Variants in TNFRSF1B observed in about 807,000 individuals in gnomAD.
TNFRSF1B encodes TNF receptor superfamily member 1B.
Under a neutral mutation model 44.6 loss-of-function variants are expected in TNFRSF1B, and 19 were observed. The ratio of observed to expected loss-of-function variants is 0.43; its 90% CI spans 0.30 to 0.62. The LOEUF (loss-of-function observed/expected upper bound fraction) is 0.62, where lower values mean the gene tolerates loss of function less well. Among genes scored for constraint, TNFRSF1B ranks in the 20% least tolerant of loss-of-function variants. The pLI is 0.16. For missense variants in TNFRSF1B, 541 were observed against 619.9 expected (o/e 0.87, Z 1.35); for synonymous variants, 252 against 261.1 (o/e 0.97, Z 0.34).
Position 12,188,906 on chromosome 1 carries a change from C to T in TNFRSF1B, c.178+11C>T. 1 of 1,611,396 alleles carries T rather than the reference C, an allele frequency of 6.2e-7. No homozygotes were observed. Among genetic ancestry groups the T allele is most frequent in the Non-Finnish European group, 8.5e-7 (1 of 1,178,968 alleles). The stretch of plus-strand genomic sequence containing the variant: ...GCAAATGCTCGCCGGGTGAGGGCAG[C>T]CACGGGGGCACTCGGGGCCCATGCC... On this transcript the variant is annotated intron_variant, in intron 2 of 9. Coordinates refer to ENST00000376259, the MANE Select transcript of TNFRSF1B (RefSeq NM_001066.3).
Position 12,180,014 on chromosome 1 carries a change from C to G in TNFRSF1B, c.79-8782C>G, listed in dbSNP as rs1054076269. On this transcript the variant is annotated intron_variant, in intron 1 of 9. Transcript: ENST00000376259. This position sits in a 1 kb window ranked among gnomAD's most constrained non-coding sequence, Gnocchi z 4.3. ...GAAGCTTCTCCCTGTGGCCACCTCC[C>G]CACCGCATCATCTTCCGTTCTCAGC... Among the ~76,000 whole-genome samples, 4 of 152,070 alleles carry G rather than the reference C, an allele frequency of 2.6e-5. No homozygotes were observed. Among genetic ancestry groups the G allele is most frequent in the African/African-American group, 9.7e-5 (4 of 41,400 alleles).
chr1:12,182,394 C>A (rs562090630), intron 1 of TNFRSF1B, among the ~76,000 whole-genome samples: 1 of 152,328 alleles, frequency 6.6e-6, no homozygotes, highest in African/African-American at 2.4e-5. Context: ...TCCCCGGCCC[C>A]GCACCTTGTG....
In TNFRSF1B at chr1:12,169,735, AGCC is replaced by A. The variant is rs1223392725; in HGVS notation, c.78+2567_78+2569del. Among the ~76,000 whole-genome samples the A allele has an allele frequency of 6.6e-6, 1 of 152,262 alleles. No homozygotes were observed. The highest frequency in any genetic ancestry group is 2.4e-5 in the African/African-American group (1 of 41,470). On this transcript the variant is annotated intron_variant, in intron 1 of 9. Coordinates refer to ENST00000376259, the MANE Select transcript of TNFRSF1B (RefSeq NM_001066.3). This position sits in a 1 kb window ranked among gnomAD's most constrained non-coding sequence, Gnocchi z 4.5. ...TATGGAAAACATCATTCATTCATTT[AGCC>A]ATTTATTCATTTGACAAAGAAATGC... is the stretch of plus-strand genomic sequence containing the variant.
chr1:12,194,105 C>T, intron 7 of TNFRSF1B, 73 bp downstream of exon 7: 1 of 1,226,130 alleles, frequency 8.2e-7, no homozygotes, highest in African/African-American at 1.5e-5. Flanking sequence ...GTGAGTCCAG[C>T]ACTGGGCACA....
chr1:12,180,637 G>T lies in TNFRSF1B; in HGVS notation c.79-8159G>T, dbSNP rs552163607. Among the ~76,000 whole-genome samples the T allele has an allele frequency of 6.6e-6, 1 of 152,356 alleles. No homozygotes were observed. The highest frequency in any genetic ancestry group is 2.4e-5 in the African/African-American group (1 of 41,600). On this transcript the variant is annotated intron_variant, in intron 1 of 9. Coordinates refer to ENST00000376259, the MANE Select transcript of TNFRSF1B (RefSeq NM_001066.3). This position sits in a 1 kb window ranked among gnomAD's most constrained non-coding sequence, Gnocchi z 4.3. ...GTCTTGAGCGAATCTTATACCTGCAGCCCTGTCCACCAGCTGTGCTTCCTG... is the reference window on the plus strand; with the variant it reads ...GTCTTGAGCGAATCTTATACCTGCATCCCTGTCCACCAGCTGTGCTTCCTG...
intron 8 of TNFRSF1B, among the ~76,000 whole-genome samples, chr1:12,197,310 T>C (rs535997960): frequency 3.8e-4 from 58 of 152,314 alleles, no homozygotes; most frequent in African/African-American, 1.3e-3. Context: ...ATCTGTTGAG[T>C]GCCCCAGTGG....
intron 1 of TNFRSF1B, among the ~76,000 whole-genome samples, chr1:12,176,053 GA>G (rs113671676): frequency 0.04 from 5,547 of 138,466 alleles, 117 homozygotes; most frequent in African/African-American, 0.061. Context: ...TGTCTCTACT[GA>G]AAAAAAAAAA....
At position 12,183,731 on chromosome 1, in the gene TNFRSF1B, A is replaced by AT. The variant is rs1213050636; in HGVS notation, c.79-5064dup. 2.8e-3 allele frequency among the ~76,000 whole-genome samples: 337 copies of AT among 121,096 alleles called. 3 individuals carry two copies. Among genetic ancestry groups the AT allele is most frequent in the South Asian group, 4.6e-3 (16 of 3,450 alleles). The allele number at this position is 121,096 out of a possible 152,430, so 79.4% of individuals were successfully genotyped here. A position where few individuals can be genotyped will look rare whatever the true frequency, so the allele number is the denominator to read the frequency against. ...ATCTATTCTATCTACCTATCTATCT[A>AT]TCTATCTATCTATCTATCTAGCTAG... is the stretch of plus-strand genomic sequence containing the variant. On this transcript the variant is annotated intron_variant, in intron 1 of 9. Coordinates refer to ENST00000376259, the MANE Select transcript of TNFRSF1B (RefSeq NM_001066.3).
intron 1 of TNFRSF1B, among the ~76,000 whole-genome samples, chr1:12,183,756 G>T (rs145937837): frequency 0.036 from 2,960 of 82,098 alleles, 162 homozygotes; most frequent in African/African-American, 0.068. Context: ...TATCTAGCTA[G>T]CTAGCTAGCT....
At chr1:12,170,506 T>C (rs1319062323) in intron 1 of TNFRSF1B, among the ~76,000 whole-genome samples, 1 of 152,188 alleles carries the variant, frequency 6.6e-6, no homozygotes, top group African/African-American at 2.4e-5. Context: ...GCACAGTGGC[T>C]CCCCGTAGCA....
Position 12,178,565 on chromosome 1 carries a change from A to G in TNFRSF1B, c.79-10231A>G, listed in dbSNP as rs780622252. 2.6e-5 allele frequency among the ~76,000 whole-genome samples: 4 copies of G among 152,162 alleles called. No individual in the cohort carries two copies. Among genetic ancestry groups the G allele is most frequent in the Non-Finnish European group, 5.9e-5 (4 of 68,022 alleles). ...TAACCAAAACTGGTCGGGTGTGGGC[A>G]GTATAGAGATGCACCCGGGTTGTCA... On this transcript the variant is annotated intron_variant, in intron 1 of 9. Transcript: ENST00000376259. The surrounding 1 kb of genome is among the most constrained non-coding windows in gnomAD (Gnocchi z 4.3).
intron 1 of TNFRSF1B, among the ~76,000 whole-genome samples, chr1:12,183,446 T>TTCTCTC (rs33995912): frequency 4.6e-4 from 68 of 147,350 alleles, no homozygotes; most frequent in African/African-American, 1.6e-3. Flanking sequence ...CTTTTATCTA[T>TTCTCTC]TCTCTCTCTC....
Position 12,206,904 on chromosome 1 carries a change from T to A in TNFRSF1B, c.1270T>A (p.Ser424Thr), listed in dbSNP as rs1467745382. The A allele has an allele frequency of 1.2e-5, 19 of 1,614,148 alleles. No individual in the cohort carries two copies. Among genetic ancestry groups the A allele is most frequent in the Non-Finnish European group, 1.6e-5 (19 of 1,179,998 alleles). The change falls in exon 10 of 10, where the codon TCC becomes ACC. Residue 424 changes from serine to threonine, a missense_variant. By Grantham distance (58) the Ser-to-Thr change is moderately conservative. Transcript: ENST00000376259. Reference sequence around the variant, plus strand: ...CCCGAAGGACGAGCAGGTCCCCTTCTCCAAGGAGGAATGTGCCTTTCGGTC... The same window carrying A: ...CCCGAAGGACGAGCAGGTCCCCTTCACCAAGGAGGAATGTGCCTTTCGGTC... ...ESPKDEQVPF[S>T]KEECAFRSQL...
At chr1:12,176,218 C>A (rs537016782) in intron 1 of TNFRSF1B, among the ~76,000 whole-genome samples, 30 of 152,104 alleles carry the variant, frequency 2.0e-4, no homozygotes, top group African/African-American at 7.2e-4. Flanking sequence ...GACCCTGTCT[C>A]AAAAAAGCAA....
At chr1:12,200,406 G>A (rs561628820) in intron 8 of TNFRSF1B, among the ~76,000 whole-genome samples, 5 of 152,086 alleles carry the variant, frequency 3.3e-5, no homozygotes, top group Admixed American at 6.6e-5. Context: ...TTGACTGAGC[G>A]CAAAGGTCTG....
intron 8 of TNFRSF1B, 24 bp from the exon 9 acceptor site, chr1:12,201,943 C>G (rs1328548625): frequency 1.6e-5 from 25 of 1,579,096 alleles, no homozygotes; most frequent in Non-Finnish European, 2.2e-5. Flanking sequence ...GACTGCTCTC[C>G]CCTACCACCC....
At chr1:12,183,054 CAGTG>C (rs1352070552) in intron 1 of TNFRSF1B, among the ~76,000 whole-genome samples, 1 of 152,258 alleles carries the variant, frequency 6.6e-6, no homozygotes, top group Non-Finnish European at 1.5e-5. Flanking sequence ...CTGCGAATGT[CAGTG>C]AGAAGACCAG....
chr1:12,200,039 G>A (rs568209981), intron 8 of TNFRSF1B, among the ~76,000 whole-genome samples: 2 of 152,174 alleles, frequency 1.3e-5, no homozygotes, highest in Admixed American at 6.6e-5. Context: ...CTTGCCTTGA[G>A]CCTCCAGAGT....
intron 1 of TNFRSF1B, among the ~76,000 whole-genome samples, chr1:12,183,817 T>TCTA (rs1553163499): frequency 1.4e-4 from 16 of 110,430 alleles, no homozygotes; most frequent in African/African-American, 3.0e-4. Flanking sequence ...TATCTATCTA[T>TCTA]TCTATCTACC....
Sources: allele counts gnomAD v4.1 joint callset (sites outside exome capture counted in the v4.1 genomes callset), GRCh38; gene constraint gnomAD v4.1.1; non-coding constraint Gnocchi (gnomAD v3.1); transcripts MANE v1.5; gene names NCBI Gene and HGNC (gene_info 2026-07-23, HGNC 2026-07-21).